CR1: variants seen among roughly 807,000 people sequenced by gnomAD.
CR1 encodes complement receptor type 1.
In CR1, 116 loss-of-function variants were observed where a neutral mutation model predicts 187.3. The ratio of observed to expected loss-of-function variants is 0.62; its 90% CI spans 0.53 to 0.72. The LOEUF is 0.72. CR1 is among the 30% of genes least tolerant of loss of function. CR1 has a pLI of 0.00. For missense variants in CR1, 1,731 were observed against 2,110.7 expected, an observed-to-expected ratio of 0.82 and a Z score of 3.52; for synonymous variants, 576 against 747.1, an observed-to-expected ratio of 0.77 and a Z score of 3.73.
intron 1 of CR1, among the ~76,000 whole-genome samples, chr1:207,498,018 A>AGGAAGCCAG (rs920025272): frequency 6.6e-6 from 1 of 152,210 alleles, no homozygotes; most frequent in African/African-American, 2.4e-5. Context: ...TCTACTTATT[A>AGGAAGCCAG]GGAAGCCAGC....
rs1259934542 is a variant in CR1, at chr1:207,566,990, G to A, written c.3953-834G>A. 2.0e-5 allele frequency among the ~76,000 whole-genome samples: 3 copies of A among 150,206 alleles called. 1 individual carries two copies. Among genetic ancestry groups the A allele is most frequent in the African/African-American group, 7.6e-5 (3 of 39,654 alleles). On this transcript the variant is annotated intron_variant, in intron 24 of 46. Transcript: ENST00000367049. ...AGTGCTCCTTGAAGCAGTATGACAA[G>A]TGTCTGTTCTACTATCATGAATGAA...
chr1:207,500,810 A>G (rs1384794227), intron 1 of CR1, among the ~76,000 whole-genome samples: 1 of 152,226 alleles, frequency 6.6e-6, no homozygotes, highest in African/African-American at 2.4e-5. Flanking sequence ...AAAGACTTGT[A>G]CATGAATTTT....
intron 45 of CR1, among the ~76,000 whole-genome samples, chr1:207,628,530 C>G (rs552903824): frequency 6.6e-5 from 10 of 152,262 alleles, no homozygotes; most frequent in African/African-American, 2.4e-4. Context: ...TATCCCAAAG[C>G]ATAAAACACT....
At chr1:207,619,411 G>C (rs1571605886) in intron 42 of CR1, among the ~76,000 whole-genome samples, 1 of 150,132 alleles carries the variant, frequency 6.7e-6, no homozygotes, top group Non-Finnish European at 1.5e-5. Flanking sequence ...GAAAAAGAAA[G>C]AAAGATAAAT....
At chr1:207,630,476 A>G (rs114995634) in intron 45 of CR1, 41 bp from the exon 46 acceptor site, 32,628 of 1,288,306 alleles carry the variant, frequency 0.025, 563 homozygotes, top group Admixed American at 0.038. Context: ...AGATACTTAA[A>G]TGATTAAGAC....
intron 28 of CR1, among the ~76,000 whole-genome samples, chr1:207,576,811 C>T (rs1237659649): frequency 6.6e-6 from 1 of 151,766 alleles, no homozygotes; most frequent in African/African-American, 2.4e-5. Context: ...CAGAGCCAGA[C>T]CTTGTCTCAA....
intron 27 of CR1, among the ~76,000 whole-genome samples, chr1:207,574,318 G>T (rs767507539): frequency 6.6e-6 from 1 of 152,090 alleles, no homozygotes; most frequent in African/African-American, 2.4e-5. Context: ...ACCCGCAAAA[G>T]AAATAAGTTT....
chr1:207,597,094 T>C (rs1661469075), intron 35 of CR1, among the ~76,000 whole-genome samples: 1 of 149,042 alleles, frequency 6.7e-6, no homozygotes, highest in South Asian at 2.1e-4. Flanking sequence ...TATTTAAATA[T>C]AACATATTTT....
chr1:207,565,398 C>T (rs1660463504), intron 23 of CR1, among the ~76,000 whole-genome samples: 2 of 150,502 alleles, frequency 1.3e-5, no homozygotes, highest in Admixed American at 1.3e-4. Context: ...AGGACAATCT[C>T]TGTTCTCTCG....
At chr1:207,514,301 A>T (rs1375743661) in intron 4 of CR1, among the ~76,000 whole-genome samples, 1 of 152,158 alleles carries the variant, frequency 6.6e-6, no homozygotes, top group African/African-American at 2.4e-5. Flanking sequence ...ACCTTTTTAA[A>T]TTATACAATT....
chr1:207,609,719 T>C (rs199932347), intron 37 of CR1, 31 bp downstream of exon 37: 52 of 1,530,280 alleles, frequency 3.4e-5, no homozygotes, highest in Non-Finnish European at 4.5e-5. Flanking sequence ...CTTTGCTGGG[T>C]GTGAGGGTAC....
chr1:207,619,752 C>T (rs1487837911), intron 42 of CR1, 128 bp from the exon 43 acceptor site: 4 of 698,376 alleles, frequency 5.7e-6, no homozygotes, highest in South Asian at 1.8e-5. Flanking sequence ...AGATTAGTAA[C>T]ATGTTTAAAA....
At chr1:207,515,091 GTA>G (rs71154820) in intron 4 of CR1, among the ~76,000 whole-genome samples, 21,614 of 142,006 alleles carry the variant, frequency 0.15, 2,194 homozygotes, top group South Asian at 0.37. Flanking sequence ...ATACGTGTAT[GTA>G]TATGTGTATA....
chr1:207,575,202 TACACAC>T (rs56173301), intron 27 of CR1, among the ~76,000 whole-genome samples: 35,350 of 149,370 alleles, frequency 0.24, 4,737 homozygotes, highest in East Asian at 0.32. Context: ...CATAGTATTA[TACACAC>T]ACACACACAC....
In CR1 at chr1:207,587,621, G is replaced by A. The variant is rs192428005; in HGVS notation, c.5710+56G>A. 3,029 of 1,531,302 alleles carry A rather than the reference G, an allele frequency of 2.0e-3. 6 individuals carry two copies. The highest frequency in any genetic ancestry group is 2.6e-3 in the Non-Finnish European group (2,889 of 1,124,656). 94.9% of individuals were successfully genotyped at this position (1,531,302 alleles called of 1,614,324 possible). A position where few individuals can be genotyped will look rare whatever the true frequency, so the allele number is the denominator to read the frequency against. On this transcript the variant is annotated intron_variant, in intron 34 of 46. Coordinates refer to ENST00000367049, the MANE Select transcript of CR1 (RefSeq NM_000651.6). ...TGTCTGTTAAAGCATAGGTGGGACC[G>A]GGCTTGGTGGCTCACGCCTGTAATC...
intron 4 of CR1, among the ~76,000 whole-genome samples, chr1:207,517,719 G>T (rs1659848339): frequency 6.6e-6 from 1 of 151,836 alleles, no homozygotes; most frequent in African/African-American, 2.4e-5. Context: ...AATTAGTTTG[G>T]GTAAGTTATA....
Position 207,521,624 on chromosome 1 carries a change from C to CTTTT in CR1, c.488-1964_488-1961dup, listed in dbSNP as rs139203101. On this transcript the variant is annotated intron_variant, in intron 4 of 46. Coordinates refer to ENST00000367049, the MANE Select transcript of CR1 (RefSeq NM_000651.6). ...TTTATTTTCCAAATCTGCCCTCTTC[C>CTTTT]TTTTTTTTTTTTTTTTTTTTTTTTT... is the stretch of plus-strand genomic sequence containing the variant. 1.1e-3 allele frequency among the ~76,000 whole-genome samples: 95 copies of CTTTT among 88,300 alleles called. 6 individuals carry two copies. Among genetic ancestry groups the CTTTT allele is most frequent in the Admixed American group, 4.3e-3 (32 of 7,360 alleles). 57.9% of individuals were successfully genotyped at this position (88,300 alleles called of 152,430 possible).
At chr1:207,514,947 C>T (rs1358846903) in intron 4 of CR1, among the ~76,000 whole-genome samples, 1 of 143,252 alleles carries the variant, frequency 7.0e-6, no homozygotes, top group Non-Finnish European at 1.5e-5. Context: ...CAACCATTTT[C>T]CTGTACCATG....
intron 42 of CR1, among the ~76,000 whole-genome samples, chr1:207,619,146 G>T (rs1391627642): frequency 7.9e-5 from 12 of 151,468 alleles, no homozygotes; most frequent in Non-Finnish European, 1.3e-4. Context: ...ACTTTGGGAG[G>T]CCAAGGTGGG....
Sources: allele counts gnomAD v4.1 joint callset (sites outside exome capture counted in the v4.1 genomes callset), GRCh38; gene constraint gnomAD v4.1.1; transcripts MANE v1.5; gene names NCBI Gene and HGNC (gene_info 2026-07-23, HGNC 2026-07-21).